Variants in KIRREL3 observed in about 807,000 individuals in gnomAD.
The protein encoded by KIRREL3 is kirre like nephrin family adhesion molecule 3.
A neutral mutation model predicts 89.7 loss-of-function variants in KIRREL3; 36 were observed. The ratio of observed to expected loss-of-function variants is 0.40; its 90% CI spans 0.31 to 0.53. The LOEUF is 0.53. Among genes scored for constraint, KIRREL3 ranks in the 20% least tolerant of loss-of-function variants. KIRREL3 has a pLI of 0.49. For synonymous variants in KIRREL3, 445 were observed against 441.4 expected (o/e 1.01, Z -0.10); for missense variants, 864 against 1,056.6 (o/e 0.82, Z 2.53).
In KIRREL3 at chr11:126,763,976, C is replaced by A. The variant is rs540733297; in HGVS notation, c.56-201064G>T. On this transcript the variant is annotated intron_variant, in intron 1 of 16. Coordinates refer to ENST00000525144, the MANE Select transcript of KIRREL3 (RefSeq NM_032531.4). The surrounding 1 kb of genome is among the most constrained non-coding windows in gnomAD (Gnocchi z 4.7). ...TTTTTCCCCCACAACTCTGCATTCC[C>A]CTCCCCATCCACAGCATAGTTCTCC... Among the ~76,000 whole-genome samples the A allele has an allele frequency of 6.6e-6, 1 of 152,236 alleles. No homozygotes were observed. The highest frequency in any genetic ancestry group is 6.5e-5 in the Admixed American group (1 of 15,294).
rs1006092138 is a variant in KIRREL3 at position 126,563,601 on chromosome 11, T to G, written c.56-689A>C. Among the ~76,000 whole-genome samples the G allele has an allele frequency of 1.3e-5, 2 of 152,174 alleles. No homozygotes were observed. Among genetic ancestry groups the G allele is most frequent in the Non-Finnish European group, 2.9e-5 (2 of 68,038 alleles). ...TAGACTTAGAGCACAGGGGTCGAGATAGCTGAGAGACACGGACTCCACAGG... is the reference window on the plus strand; with the variant it reads ...TAGACTTAGAGCACAGGGGTCGAGAGAGCTGAGAGACACGGACTCCACAGG... On this transcript the variant is annotated intron_variant, in intron 1 of 16. Transcript: ENST00000525144. This position sits in a 1 kb window ranked among gnomAD's most constrained non-coding sequence, Gnocchi z 6.8.
chr11:126,868,869 G>A (rs1464800692), intron 1 of KIRREL3, among the ~76,000 whole-genome samples: 2 of 152,078 alleles, frequency 1.3e-5, no homozygotes, highest in South Asian at 4.1e-4. Context: ...GGAGGGCCTG[G>A]TTTCCTGCTT....
chr11:126,543,615 C>A (rs1235983450), intron 2 of KIRREL3, among the ~76,000 whole-genome samples: 3 of 152,110 alleles, frequency 2.0e-5, no homozygotes, highest in African/African-American at 4.8e-5. Flanking sequence ...CCCCTACCTG[C>A]CCCCAGCTGA....
chr11:126,758,649 A>C (rs886770340), intron 1 of KIRREL3, among the ~76,000 whole-genome samples: 6 of 152,262 alleles, frequency 3.9e-5, no homozygotes. Flanking sequence ...CCATTGCCCC[A>C]AAATGCTAAT....
In KIRREL3 at chr11:126,761,330, T is replaced by C. The variant is rs953329394; in HGVS notation, c.56-198418A>G. On this transcript the variant is annotated intron_variant, in intron 1 of 16. Transcript: ENST00000525144. The surrounding 1 kb of genome is among the most constrained non-coding windows in gnomAD (Gnocchi z 4.4). ...GGGGGCTCACCAGAGGGGACTGTGA[T>C]GAGTTGGCTTCTCAGGAGTTTCCTA... Among the ~76,000 whole-genome samples, 13 of 151,686 alleles carry C rather than the reference T, an allele frequency of 8.6e-5. No homozygotes were observed. The highest frequency in any genetic ancestry group is 8.5e-4 in the Admixed American group (13 of 15,262).
chr11:126,806,305 A>G (rs1951201605), intron 1 of KIRREL3, among the ~76,000 whole-genome samples: 1 of 152,208 alleles, frequency 6.6e-6, no homozygotes, highest in Admixed American at 6.5e-5. Flanking sequence ...TATTGCCTTC[A>G]AATGCCATCC....
intron 1 of KIRREL3, among the ~76,000 whole-genome samples, chr11:126,842,848 C>A (rs1291802310): frequency 6.6e-6 from 1 of 152,214 alleles, no homozygotes; most frequent in East Asian, 1.9e-4. Flanking sequence ...ACTGGGCCGA[C>A]CATGAGTTTG....
rs767914204 is a variant in KIRREL3 at position 126,440,618 on chromosome 11, G to A, written c.1253-69C>T. The A allele has an allele frequency of 3.0e-6, 4 of 1,314,430 alleles. No individual in the cohort carries two copies. In the African/African-American group the frequency reaches 5.8e-5, roughly 19 times the overall value. The allele number at this position is 1,314,430 out of a possible 1,614,324, so 81.4% of individuals were successfully genotyped here. A position where few individuals can be genotyped will look rare whatever the true frequency, so the allele number is the denominator to read the frequency against. On this transcript the variant is annotated intron_variant, in intron 10 of 16. Transcript: ENST00000525144. ...TCCCTGCTGGCGCCCTCTTGGGTGG[G>A]TTCAGAAGTGTATTCATTAATCCAA... is the stretch of plus-strand genomic sequence containing the variant.
intron 7 of KIRREL3, among the ~76,000 whole-genome samples, chr11:126,451,905 G>A (rs1006259704): frequency 6.6e-6 from 1 of 152,114 alleles, no homozygotes; most frequent in East Asian, 1.9e-4. Flanking sequence ...GCAGAGGCTT[G>A]TTGCCTCCAG....
At position 126,607,183 on chromosome 11, in the gene KIRREL3, T is replaced by C. The variant is rs1942925141; in HGVS notation, c.56-44271A>G. On this transcript the variant is annotated intron_variant, in intron 1 of 16. Coordinates refer to ENST00000525144, the MANE Select transcript of KIRREL3 (RefSeq NM_032531.4). This position sits in a 1 kb window ranked among gnomAD's most constrained non-coding sequence, Gnocchi z 6.6. ...CAAAGCCAGGAAAATACCTGGGGGC[T>C]TCCACTCCCTAAACCCAGGGAAACG... Among the ~76,000 whole-genome samples the C allele has an allele frequency of 6.6e-6, 1 of 152,080 alleles. No individual in the cohort carries two copies. Among genetic ancestry groups the C allele is most frequent in the African/African-American group, 2.4e-5 (1 of 41,418 alleles).
At chr11:126,846,884 G>A (rs187263712) in intron 1 of KIRREL3, among the ~76,000 whole-genome samples, 373 of 152,236 alleles carry the variant, frequency 2.5e-3, no homozygotes, top group Admixed American at 6.1e-3. Context: ...AAAAAATTGT[G>A]TATGTGGACA....
chr11:126,556,752 T>C (rs915848678), intron 2 of KIRREL3, among the ~76,000 whole-genome samples: 1 of 152,154 alleles, frequency 6.6e-6, no homozygotes, highest in Non-Finnish European at 1.5e-5. Context: ...GAAAAAGCTT[T>C]GGAATGTTCC....
rs1479921248 is a variant in KIRREL3 at position 126,578,732 on chromosome 11, C to G, written c.56-15820G>C. Among the ~76,000 whole-genome samples, 1 of 152,166 alleles carries G rather than the reference C, an allele frequency of 6.6e-6. No homozygotes were observed. The highest frequency in any genetic ancestry group is 1.5e-5 in the Non-Finnish European group (1 of 68,028). ...GACCAACAGGCTTCTGGACTTCTGA[C>G]TCAGCACCAGTCCTGCTCCTTCTGT... On this transcript the variant is annotated intron_variant, in intron 1 of 16. Coordinates refer to ENST00000525144, the MANE Select transcript of KIRREL3 (RefSeq NM_032531.4). The surrounding 1 kb of genome is among the most constrained non-coding windows in gnomAD (Gnocchi z 4.9).
rs369603155 is a variant in KIRREL3, at chr11:126,660,757, A to G, written c.56-97845T>C. 4.6e-5 allele frequency among the ~76,000 whole-genome samples: 7 copies of G among 152,252 alleles called. No individual in the cohort carries two copies. In the East Asian group the frequency reaches 1.2e-3, roughly 25 times the overall value. On this transcript the variant is annotated intron_variant, in intron 1 of 16. Coordinates refer to ENST00000525144, the MANE Select transcript of KIRREL3 (RefSeq NM_032531.4). ...TGTCCCACAGCTAGAACATGCACTG[A>G]CTCTGAGAAAGATGAGGCTTGGTTA...
chr11:126,632,016 C>T (rs1407625398), intron 1 of KIRREL3, among the ~76,000 whole-genome samples: 2 of 152,212 alleles, frequency 1.3e-5, no homozygotes, highest in African/African-American at 2.4e-5. Flanking sequence ...CTACATAAAG[C>T]AGTGGTTCTC....
chr11:126,848,224 C>A (rs1386629569), intron 1 of KIRREL3, among the ~76,000 whole-genome samples: 1 of 152,182 alleles, frequency 6.6e-6, no homozygotes, highest in Non-Finnish European at 1.5e-5. Flanking sequence ...ACTTATGGAA[C>A]AGAGTTTCAT....
rs201727576 is a variant in KIRREL3 at position 126,517,138 on chromosome 11, G to A, written c.433+4177C>T. 2.1e-4 allele frequency among the ~76,000 whole-genome samples: 8 copies of A among 37,952 alleles called. No homozygotes were observed. In the East Asian group the frequency reaches 0.031, roughly 146 times the overall value. 24.9% of individuals were successfully genotyped at this position (37,952 alleles called of 152,430 possible). ...AGAGATTGAGAGAGAGAGAGAGAAA[G>A]AGAGAGAGAGAGAGAGAGAGAGAGA... is the stretch of plus-strand genomic sequence containing the variant. On this transcript the variant is annotated intron_variant, in intron 4 of 16. Transcript: ENST00000525144.
intron 1 of KIRREL3, among the ~76,000 whole-genome samples, chr11:126,793,817 C>T (rs148361617): frequency 1.3e-3 from 191 of 152,338 alleles, no homozygotes; most frequent in African/African-American, 4.4e-3. Flanking sequence ...GTGAAGAACT[C>T]GCGTTCCTCT....
chr11:126,473,290 C>T lies in KIRREL3; in HGVS notation c.591+19G>A. The T allele has an allele frequency of 7.7e-7, 1 of 1,294,902 alleles. No individual in the cohort carries two copies. The highest frequency in any genetic ancestry group is 1.6e-5 in the South Asian group (1 of 63,674). The allele number at this position is 1,294,902 out of a possible 1,614,324, so 80.2% of individuals were successfully genotyped here. ...CCTTGAAGCCCGTCCACACCCACCC[C>T]CTCCCCTCCAGGCCTCACCTTGGAG... On this transcript the variant is annotated intron_variant, in intron 5 of 16. Coordinates refer to ENST00000525144, the MANE Select transcript of KIRREL3 (RefSeq NM_032531.4).
Sources: allele counts gnomAD v4.1 joint callset (sites outside exome capture counted in the v4.1 genomes callset), GRCh38; gene constraint gnomAD v4.1.1; non-coding constraint Gnocchi (gnomAD v3.1); transcripts MANE v1.5; gene names NCBI Gene and HGNC (gene_info 2026-07-23, HGNC 2026-07-21).